SLC1A1: variants seen among roughly 807,000 people sequenced by gnomAD.
The protein encoded by SLC1A1 is excitatory amino acid transporter 3.
Under a neutral mutation model 53.3 loss-of-function variants are expected in SLC1A1, and 43 were observed. That is an observed-to-expected ratio of 0.81 (90% CI 0.63 to 1.04). The LOEUF is 1.04. Ranked by LOEUF, SLC1A1 falls within the 50% of genes least tolerant of loss-of-function variation. The probability of loss-of-function intolerance (pLI) is 0.00; values close to 1 mark genes in which losing one functional copy is unlikely to be tolerated. For synonymous variants in SLC1A1, 307 were observed against 243.2 expected, an observed-to-expected ratio of 1.26 and a Z score of -2.44; for missense variants, 748 against 664.9, an observed-to-expected ratio of 1.12 and a Z score of -1.37.
At chr9:4,538,566 G>C (rs1442448049) in intron 1 of SLC1A1, among the ~76,000 whole-genome samples, 1 of 152,134 alleles carries the variant, frequency 6.6e-6, no homozygotes, top group African/African-American at 2.4e-5. Flanking sequence ...TACAACCTTG[G>C]ATGTATTTGA....
At chr9:4,524,829 G>A (rs1305712525) in intron 1 of SLC1A1, among the ~76,000 whole-genome samples, 1 of 152,168 alleles carries the variant, frequency 6.6e-6, no homozygotes, top group African/African-American at 2.4e-5. Flanking sequence ...ACCCACTCTT[G>A]AGTATACTAA....
rs543090627 is a variant in SLC1A1, at chr9:4,530,784, T to G, written c.92-13783T>G. Among the ~76,000 whole-genome samples the G allele has an allele frequency of 2.4e-4, 37 of 152,296 alleles. 1 individual carries two copies. The South Asian group carries it at 7.5e-3, about 31-fold the overall frequency. ...ACTTAATATAGTGCTTGGGATATAT[T>G]TGGATATTAATAAATGCAAAAGTGT... On this transcript the variant is annotated intron_variant, in intron 1 of 11. Transcript: ENST00000262352.
intron 1 of SLC1A1, among the ~76,000 whole-genome samples, chr9:4,504,087 G>A (rs938578832): frequency 2.0e-5 from 3 of 151,674 alleles, no homozygotes; most frequent in African/African-American, 4.8e-5. Flanking sequence ...AGACTGGAGA[G>A]CATCTCTGTA....
At position 4,576,049 on chromosome 9, in the gene SLC1A1, C is replaced by T. The variant is rs137855083; in HGVS notation, c.924C>T (p.Val308=). The change falls in exon 9 of 12, where the codon GTC becomes GTT. Residue 308 remains valine, a synonymous_variant. Transcript: ENST00000262352. ...TTCTCCCGCTGATATATTTCATAGTCGTACGAAAGAACCCTTTCCGATTTG... is the reference window on the plus strand; with the variant it reads ...TTCTCCCGCTGATATATTTCATAGTTGTACGAAAGAACCCTTTCCGATTTG... ...IVILPLIYFI[V]VRKNPFRFAM... is the part of the protein sequence containing the mutation. 4.8e-5 allele frequency: 77 copies of T among 1,613,244 alleles called. 1 individual carries two copies. The highest frequency in any genetic ancestry group is 5.5e-5 in the Non-Finnish European group (65 of 1,179,266).
At chr9:4,553,798 G>C (rs1818143357) in intron 2 of SLC1A1, 1 of 152,208 alleles carries the variant, frequency 6.6e-6, no homozygotes, top group Non-Finnish European at 1.5e-5. Flanking sequence ...GCCTAGAGTG[G>C]TGATATTACC....
rs755209040 is a variant in SLC1A1, at chr9:4,572,317, G to C, written c.696G>C (p.Lys232Asn). 1.2e-6 allele frequency: 2 copies of C among 1,614,122 alleles called. No individual in the cohort carries two copies. Among genetic ancestry groups the C allele is most frequent in the Admixed American group, 3.3e-5 (2 of 60,012 alleles). The change falls in exon 7 of 12, where the codon AAG (lysine) becomes AAC (asparagine). Residue 232 changes from lysine to asparagine, a missense_variant. Transcript: ENST00000262352. ...TTGTCATTGGAAAAATGGGAGAAAA[G>C]GGACAAATTCTGGTGGATTTCTTCA... is the stretch of plus-strand genomic sequence containing the variant. ...FGLVIGKMGE[K>N]GQILVDFFNA...
rs1257204798 is a variant in SLC1A1, at chr9:4,549,054, A to G, written c.232+4347A>G. ...AAATCCTGGTCCAGCCAGTGAGTTT[A>G]AATTCAGGTCACATTTTCTTTACTA... is the stretch of plus-strand genomic sequence containing the variant. On this transcript the variant is annotated intron_variant, in intron 2 of 11. Transcript: ENST00000262352. The surrounding 1 kb of genome is among the most constrained non-coding windows in gnomAD (Gnocchi z 4.1). Among the ~76,000 whole-genome samples, 1 of 152,220 alleles carries G rather than the reference A, an allele frequency of 6.6e-6. No individual in the cohort carries two copies. The highest frequency in any genetic ancestry group is 1.5e-5 in the Non-Finnish European group (1 of 68,032).
chr9:4,521,277 T>C (rs1227356771), intron 1 of SLC1A1, among the ~76,000 whole-genome samples: 2 of 152,240 alleles, frequency 1.3e-5, no homozygotes, highest in African/African-American at 4.8e-5. Context: ...CTTGGTTGTC[T>C]CTACCAGGTA....
chr9:4,528,590 C>A (rs1309650884), intron 1 of SLC1A1, among the ~76,000 whole-genome samples: 5 of 151,822 alleles, frequency 3.3e-5, no homozygotes, highest in East Asian at 3.9e-4. Context: ...AACAAACAAA[C>A]AAAAAAATGC....
At chr9:4,528,780 A>G (rs753825699) in intron 1 of SLC1A1, among the ~76,000 whole-genome samples, 3 of 148,866 alleles carry the variant, frequency 2.0e-5, no homozygotes, top group Non-Finnish European at 4.4e-5. Context: ...ATGCGGCCTC[A>G]TCCACTCTTA....
chr9:4,577,118 G>A (rs1354071086), intron 10 of SLC1A1, among the ~76,000 whole-genome samples: 2 of 152,218 alleles, frequency 1.3e-5, no homozygotes, highest in African/African-American at 4.8e-5. Context: ...AGGGATGTAA[G>A]AGAACTCTGT....
intron 1 of SLC1A1, among the ~76,000 whole-genome samples, chr9:4,500,103 A>T (rs1820580845): frequency 6.6e-6 from 1 of 152,170 alleles, no homozygotes; most frequent in Non-Finnish European, 1.5e-5. Flanking sequence ...GGAGTCCGTG[A>T]CACACTGGCC....
At chr9:4,570,426 C>T (rs1006174255) in intron 6 of SLC1A1, among the ~76,000 whole-genome samples, 4 of 151,540 alleles carry the variant, frequency 2.6e-5, no homozygotes, top group Non-Finnish European at 5.9e-5. Context: ...GGCTGGAGTG[C>T]AGTGGCGTGA....
At chr9:4,525,430 G>A (rs1213613611) in intron 1 of SLC1A1, among the ~76,000 whole-genome samples, 1 of 152,028 alleles carries the variant, frequency 6.6e-6, no homozygotes, top group African/African-American at 2.4e-5. Flanking sequence ...GTAGCCTGTA[G>A]GTAGACTTTC....
rs753874784 is a variant in SLC1A1 at position 4,567,755 on chromosome 9, T to C, written c.570T>C (p.Thr190=). Residue 190 remains threonine (T), a synonymous_variant, in exon 6 of 12, where the codon ACT becomes ACC. Transcript: ENST00000262352. The part of the protein sequence containing the change: ...TEESFTAVMT[T]AISKNKTKEY... Reference sequence around the variant, plus strand: ...AGTCCTTCACAGCTGTCATGACAACTGCAATTTCCAAGGTACCATTCTTAT... The same window carrying C: ...AGTCCTTCACAGCTGTCATGACAACCGCAATTTCCAAGGTACCATTCTTAT... The C allele has an allele frequency of 3.1e-6, 5 of 1,603,978 alleles. No homozygotes were observed. In the African/African-American group the frequency reaches 5.4e-5, roughly 17 times the overall value.
At chr9:4,498,064 T>C (rs1336317090) in intron 1 of SLC1A1, among the ~76,000 whole-genome samples, 2 of 152,240 alleles carry the variant, frequency 1.3e-5, no homozygotes, top group Admixed American at 1.3e-4. Flanking sequence ...AATTGTTGAC[T>C]TGGGTTATAA....
chr9:4,577,268 T>A (rs946296849), intron 10 of SLC1A1, among the ~76,000 whole-genome samples: 7 of 152,098 alleles, frequency 4.6e-5, no homozygotes, highest in Non-Finnish European at 7.4e-5. Context: ...GCTAGGAGCA[T>A]TTGGAGTGGC....
At chr9:4,511,596 C>CACACACACACT (rs777710176) in intron 1 of SLC1A1, among the ~76,000 whole-genome samples, 2 of 151,128 alleles carry the variant, frequency 1.3e-5, no homozygotes, top group African/African-American at 4.9e-5. Context: ...CACACACACA[C>CACACACACACT]ACACTACACT....
chr9:4,582,891 G>C lies in SLC1A1; in HGVS notation c.1194-147G>C. The stretch of plus-strand genomic sequence containing the variant: ...TAATCCTGTAATGAGGCAGAGCTGG[G>C]GCTCAGCAAGTCACAGATTCTAACT... On this transcript the variant is annotated intron_variant, in intron 10 of 11. Coordinates refer to ENST00000262352, the MANE Select transcript of SLC1A1 (RefSeq NM_004170.6). 34 of 1,008,662 alleles carry C rather than the reference G, an allele frequency of 3.4e-5. 1 individual carries two copies. The South Asian group carries it at 4.4e-4, about 13-fold the overall frequency. The allele number at this position is 1,008,662 out of a possible 1,614,324, so 62.5% of individuals were successfully genotyped here.
Sources: allele counts gnomAD v4.1 joint callset (sites outside exome capture counted in the v4.1 genomes callset), GRCh38; gene constraint gnomAD v4.1.1; non-coding constraint Gnocchi (gnomAD v3.1); transcripts MANE v1.5; gene names NCBI Gene and HGNC (gene_info 2026-07-23, HGNC 2026-07-21).